The following KIF18A variants were observed in gnomAD, a reference collection of about 807,000 sequenced individuals.
KIF18A encodes kinesin-like protein KIF18A.
A neutral mutation model predicts 103.3 loss-of-function variants in KIF18A; 67 were observed. The observed-to-expected ratio is 0.65, with a 90% CI of 0.53 to 0.79. The LOEUF (loss-of-function observed/expected upper bound fraction) is 0.79, where lower values mean the gene tolerates loss of function less well. Ranked by LOEUF, KIF18A falls within the 30% of genes least tolerant of loss-of-function variation. The probability of loss-of-function intolerance (pLI) is 0.00; values close to 1 mark genes in which losing one functional copy is unlikely to be tolerated. For synonymous variants in KIF18A, 367 were observed against 355.5 expected, an observed-to-expected ratio of 1.03 and a Z score of -0.36; for missense variants, 1,032 against 1,062.5, an observed-to-expected ratio of 0.97 and a Z score of 0.40.
intron 14 of KIF18A, among the ~76,000 whole-genome samples, chr11:28,035,741 C>T (rs559707693): frequency 6.6e-6 from 1 of 151,426 alleles, no homozygotes; most frequent in Non-Finnish European, 1.5e-5. Context: ...ATTTTTCTTT[C>T]CATATTTAGA....
Position 28,058,939 on chromosome 11 carries a change from C to A in KIF18A, c.1935G>T (p.Gln645His). 1 of 1,613,580 alleles carries A rather than the reference C, an allele frequency of 6.2e-7. No homozygotes were observed. Among genetic ancestry groups the A allele is most frequent in the Non-Finnish European group, 8.5e-7 (1 of 1,179,588 alleles). Residue 645 changes from glutamine to histidine, a missense_variant, in exon 13 of 17, where the codon CAG (glutamine) becomes CAT (histidine). Physicochemically the swap from Gln to His is conservative, Grantham distance 24. Transcript: ENST00000263181. ...LMTFPQLGPVQPIPCCSSSGG... is the reference protein window; with the variant it reads ...LMTFPQLGPVHPIPCCSSSGG... The stretch of plus-strand genomic sequence containing the variant: ...AGTTATACTTACAACAAGGAATAGG[C>A]TGAACTGGTCCAAGTTGTGGAAAGG...
chr11:28,091,560 T>C, intron 3 of KIF18A, 47 bp from the exon 4 acceptor site: 1 of 919,872 alleles, frequency 1.1e-6, no homozygotes, highest in Non-Finnish European at 1.7e-6. Context: ...AAAAAAAAAA[T>C]GGTGATTACA....
intron 5 of KIF18A, 23 bp downstream of exon 5, chr11:28,090,594 G>T: frequency 8.4e-7 from 1 of 1,190,224 alleles, no homozygotes; most frequent in Non-Finnish European, 1.2e-6. Flanking sequence ...AATTTTAAGA[G>T]TGATAGTCTA....
intron 6 of KIF18A, among the ~76,000 whole-genome samples, chr11:28,086,302 C>T (rs955707799): frequency 5.9e-5 from 9 of 151,950 alleles, no homozygotes; most frequent in Non-Finnish European, 1.3e-4. Flanking sequence ...CATCTAATAT[C>T]GATATGAAAT....
At chr11:28,057,890 TAAAACCAATAA>T (rs1850802217) in intron 13 of KIF18A, among the ~76,000 whole-genome samples, 1 of 152,086 alleles carries the variant, frequency 6.6e-6, no homozygotes, top group African/African-American at 2.4e-5. Flanking sequence ...AATAAACAAA[TAAAACCAATAA>T]ACATAATAAA....
chr11:28,084,933 A>G, intron 6 of KIF18A, 125 bp from the exon 7 acceptor site: 1 of 641,216 alleles, frequency 1.6e-6, no homozygotes, highest in Non-Finnish European at 2.7e-6. Context: ...GAAGGTATAA[A>G]CTGTTTCAGT....
intron 10 of KIF18A, among the ~76,000 whole-genome samples, chr11:28,073,059 A>G (rs921620863): frequency 2.0e-5 from 3 of 152,102 alleles, no homozygotes; most frequent in Non-Finnish European, 2.9e-5. Flanking sequence ...CAATTTCACA[A>G]TCTATACCAA....
At chr11:28,024,875 G>A (rs888758524) in intron 15 of KIF18A, among the ~76,000 whole-genome samples, 5 of 151,886 alleles carry the variant, frequency 3.3e-5, no homozygotes, top group Non-Finnish European at 1.5e-5. Context: ...ATCGACGGGG[G>A]GGATATCTTC....
intron 13 of KIF18A, among the ~76,000 whole-genome samples, chr11:28,049,916 A>G (rs982380192): frequency 6.6e-6 from 1 of 151,886 alleles, no homozygotes; most frequent in Admixed American, 6.6e-5. Context: ...GTACCATTAA[A>G]TTAACCAAAT....
intron 3 of KIF18A, among the ~76,000 whole-genome samples, chr11:28,094,238 A>C (rs1740457182): frequency 1.3e-5 from 2 of 152,208 alleles, no homozygotes; most frequent in Non-Finnish European, 2.9e-5. Flanking sequence ...ACTAAGATCT[A>C]CAGATAATTA....
chr11:28,062,751 C>G (rs547070303), intron 11 of KIF18A, among the ~76,000 whole-genome samples: 1 of 152,128 alleles, frequency 6.6e-6, no homozygotes, highest in South Asian at 2.1e-4. Context: ...AGAAATTTTA[C>G]TATGATGACA....
At chr11:28,045,632 T>C (rs897317325) in intron 13 of KIF18A, among the ~76,000 whole-genome samples, 5 of 152,106 alleles carry the variant, frequency 3.3e-5, no homozygotes, top group African/African-American at 1.2e-4. Context: ...TACCTGATCC[T>C]GCTAAAATAC....
At chr11:28,100,564 G>GC (rs901892076) in intron 1 of KIF18A, among the ~76,000 whole-genome samples, 2 of 150,660 alleles carry the variant, frequency 1.3e-5, no homozygotes, top group Admixed American at 6.7e-5. Context: ...TGAGTGAAGG[G>GC]GGGGGGTGGT....
rs77289401 is a variant in KIF18A at position 28,051,969 on chromosome 11, A to T, written c.1948+6957T>A. On this transcript the variant is annotated intron_variant, in intron 13 of 16. Transcript: ENST00000263181. Reference sequence around the variant, plus strand: ...AGTCTTCCTTATCTCTCTGAAGGTGACTCAATTCTTTTAGATGCTAAGTTC... The same window carrying T: ...AGTCTTCCTTATCTCTCTGAAGGTGTCTCAATTCTTTTAGATGCTAAGTTC... Among the ~76,000 whole-genome samples, 464 of 152,120 alleles carry T rather than the reference A, an allele frequency of 3.1e-3. 4 individuals carry two copies. Among genetic ancestry groups the T allele is most frequent in the African/African-American group, 0.011 (453 of 41,514 alleles).
At chr11:28,088,448 A>T (rs1386529832) in intron 6 of KIF18A, 76 bp downstream of exon 6, 12 of 1,268,944 alleles carry the variant, frequency 9.5e-6, no homozygotes, top group Non-Finnish European at 1.3e-5. Context: ...CTTTAAAACA[A>T]AATCATATTA....
chr11:28,065,889 T>C (rs1161479990), intron 11 of KIF18A, among the ~76,000 whole-genome samples: 1 of 152,032 alleles, frequency 6.6e-6, no homozygotes, highest in Non-Finnish European at 1.5e-5. Context: ...TACACAAACA[T>C]ATTTAAAATT....
intron 13 of KIF18A, among the ~76,000 whole-genome samples, chr11:28,053,573 A>AT (rs748646319): frequency 2.0e-5 from 3 of 152,250 alleles, no homozygotes; most frequent in South Asian, 4.1e-4. Flanking sequence ...TTACATATGT[A>AT]TACATGTGCC....
At chr11:28,091,731 T>G (rs1169452658) in intron 3 of KIF18A, among the ~76,000 whole-genome samples, 3 of 152,192 alleles carry the variant, frequency 2.0e-5, no homozygotes, top group African/African-American at 7.2e-5. Context: ...AATTGAAACT[T>G]AAAGTTGGAG....
Position 28,097,728 on chromosome 11 carries a change from A to G in KIF18A, c.220T>C (p.Phe74Leu). 3 of 1,611,060 alleles carry G rather than the reference A, an allele frequency of 1.9e-6. No individual in the cohort carries two copies. Among genetic ancestry groups the G allele is most frequent in the Non-Finnish European group, 2.5e-6 (3 of 1,177,776 alleles). The change falls in exon 2 of 17, where the codon TTT becomes CTT. Residue 74 changes from phenylalanine (F) to leucine (L), a missense_variant. Transcript: ENST00000263181. ...VIKKQNKDLK[F>L]VFDAVFDETS... ...TCATCAAAAACAGCATCAAATACAA[A>G]TTTAAGATCCTTATTTTGTTTCTTT...
Sources: allele counts gnomAD v4.1 joint callset (sites outside exome capture counted in the v4.1 genomes callset), GRCh38; gene constraint gnomAD v4.1.1; transcripts MANE v1.5; gene names NCBI Gene and HGNC (gene_info 2026-07-23, HGNC 2026-07-21).